Variants in FGF14 observed in about 807,000 individuals in gnomAD.
FGF14 encodes the protein fibroblast growth factor 14.
A neutral mutation model predicts 25.5 loss-of-function variants in FGF14; 5 were observed. The observed-to-expected ratio is 0.20, with a 90% CI of 0.10 to 0.41. FGF14 has a LOEUF of 0.41. Among genes scored for constraint, FGF14 ranks in the 10% least tolerant of loss-of-function variants. FGF14 has a pLI of 1.00. For synonymous variants in FGF14, 138 were observed against 118.3 expected (o/e 1.17, Z -1.08); for missense variants, 222 against 320.1 (o/e 0.69, Z 2.34).
intron 1 of FGF14, among the ~76,000 whole-genome samples, chr13:102,358,754 A>G (rs913627363): frequency 6.6e-6 from 1 of 152,192 alleles, no homozygotes; most frequent in Non-Finnish European, 1.5e-5. Context: ...TTCTTTTTCA[A>G]ATGTTTTAAA....
intron 1 of FGF14, among the ~76,000 whole-genome samples, chr13:101,953,880 G>A (rs200066966): frequency 1.3e-5 from 2 of 151,942 alleles, no homozygotes; most frequent in East Asian, 1.9e-4. Context: ...GTGAGTCACC[G>A]TGCCCGGCCA....
In FGF14 at chr13:101,751,030, G is replaced by C. The variant is rs547714726; in HGVS notation, c.409-24220C>G. ...AGTGGTTGCCAAGGTCTAGAGGAGA[G>C]GGGGAGGGTGGAGAGAGGGAGGGAT... On this transcript the variant is annotated intron_variant, in intron 3 of 4. Transcript: ENST00000376143. 2.0e-5 allele frequency among the ~76,000 whole-genome samples: 3 copies of C among 152,196 alleles called. No homozygotes were observed. In the South Asian group the frequency reaches 6.2e-4, roughly 32 times the overall value.
At chr13:101,982,528 T>A (rs1029291834) in intron 1 of FGF14, among the ~76,000 whole-genome samples, 2 of 152,320 alleles carry the variant, frequency 1.3e-5, no homozygotes, top group Admixed American at 1.3e-4. Flanking sequence ...AAAGGCAACA[T>A]CTTTTATGTG....
intron 1 of FGF14, among the ~76,000 whole-genome samples, chr13:102,008,814 C>T (rs960062385): frequency 2.3e-4 from 35 of 152,080 alleles, no homozygotes; most frequent in Admixed American, 7.2e-4. Flanking sequence ...AACAGTGAAA[C>T]TGATGTGTAA....
At chr13:101,853,830 G>A (rs933676431) in intron 3 of FGF14, among the ~76,000 whole-genome samples, 6 of 151,924 alleles carry the variant, frequency 3.9e-5, no homozygotes, top group Non-Finnish European at 2.9e-5. Context: ...AAAAATTACA[G>A]ACTGATACTC....
In FGF14 at chr13:102,089,066, T is replaced by C. The variant is rs1022826417; in HGVS notation, c.209-213770A>G. 3.9e-5 allele frequency among the ~76,000 whole-genome samples: 6 copies of C among 152,206 alleles called. No homozygotes were observed. The East Asian group carries it at 5.8e-4, about 15-fold the overall frequency. ...TCTAAAACCCAGTTTTCTGCCATCA[T>C]AGATACAGAATTCAGAATACAATCT... is the stretch of plus-strand genomic sequence containing the variant. On this transcript the variant is annotated intron_variant, in intron 1 of 4. Transcript: ENST00000376131.
intron 1 of FGF14, among the ~76,000 whole-genome samples, chr13:102,004,156 T>A (rs955359224): frequency 6.6e-6 from 1 of 152,172 alleles, no homozygotes; most frequent in East Asian, 1.9e-4. Context: ...TAGCATTTAC[T>A]CCATCAGGTT....
At chr13:101,820,240 T>C (rs903926711) in intron 3 of FGF14, among the ~76,000 whole-genome samples, 1 of 151,816 alleles carries the variant, frequency 6.6e-6, no homozygotes, top group Non-Finnish European at 1.5e-5. Flanking sequence ...TGAGATTGTA[T>C]AAAGAAAAAA....
Position 102,166,434 on chromosome 13 carries a change from G to A in FGF14, c.208+235037C>T, listed in dbSNP as rs1052755084. On this transcript the variant is annotated intron_variant, in intron 1 of 4. Transcript: ENST00000376131. ...TGCAGCATAGAGGAAAATGCCAGTC[G>A]TCTAGCAGATGCGTGCATTCCCAGC... Among the ~76,000 whole-genome samples the A allele has an allele frequency of 2.6e-5, 4 of 152,086 alleles. No individual in the cohort carries two copies. In the South Asian group the frequency reaches 6.2e-4, roughly 24 times the overall value.
chr13:101,999,863 T>C (rs1324882410), intron 1 of FGF14, among the ~76,000 whole-genome samples: 1 of 152,154 alleles, frequency 6.6e-6, no homozygotes, highest in Non-Finnish European at 1.5e-5. Context: ...TTCTTCTCTA[T>C]TTCTGCCACT....
At chr13:101,755,881 G>A (rs1233432801) in intron 3 of FGF14, among the ~76,000 whole-genome samples, 1 of 152,116 alleles carries the variant, frequency 6.6e-6, no homozygotes, top group Non-Finnish European at 1.5e-5. Context: ...TTTCAAGAAC[G>A]TCTTCTATAG....
rs2034600667 is a variant in FGF14, at chr13:101,714,041, T to G, written c.*8790A>C. On this transcript the variant is annotated 3_prime_UTR_variant, in exon 5 of 5. Transcript: ENST00000376143. ...GTTTTAATTAGAAATGCAACCTAAT[T>G]TAATACAATTCCCTATTCATTTCCT... 1 of 161,724 alleles carries G rather than the reference T, an allele frequency of 6.2e-6. No homozygotes were observed. The allele number at this position is 161,724 out of a possible 1,614,324, so 10.0% of individuals were successfully genotyped here.
chr13:102,342,597 A>G (rs758163175), intron 1 of FGF14, among the ~76,000 whole-genome samples: 1 of 152,168 alleles, frequency 6.6e-6, no homozygotes, highest in African/African-American at 2.4e-5. Flanking sequence ...ATGACTTTAT[A>G]TTATTTCAGT....
intron 1 of FGF14, among the ~76,000 whole-genome samples, chr13:102,106,096 A>G (rs2044896647): frequency 6.6e-6 from 1 of 152,222 alleles, no homozygotes; most frequent in Admixed American, 6.5e-5. Flanking sequence ...AAGATGGTTC[A>G]GCTAGAAAAA....
At position 101,718,534 on chromosome 13, in the gene FGF14, A is replaced by C. The variant is rs1566807803; in HGVS notation, c.*4297T>G. 1 of 150,776 alleles carries C rather than the reference A, an allele frequency of 6.6e-6. No individual in the cohort carries two copies. Among genetic ancestry groups the C allele is most frequent in the Non-Finnish European group, 1.5e-5 (1 of 67,870 alleles). The allele number at this position is 150,776 out of a possible 1,614,324, so 9.3% of individuals were successfully genotyped here. ...GGAAGGGATGCAGCAAGTTTAGAGA[A>C]GGTGTTGGCACTAACGCTGCTTGTT... On this transcript the variant is annotated 3_prime_UTR_variant, in exon 5 of 5. Transcript: ENST00000376143.
intron 1 of FGF14, among the ~76,000 whole-genome samples, chr13:102,364,627 T>C (rs1046165449): frequency 2.6e-5 from 4 of 152,228 alleles, no homozygotes; most frequent in African/African-American, 9.6e-5. Context: ...TTACGAAGTA[T>C]AAACAGATCT....
chr13:102,049,602 T>C (rs78828203), intron 1 of FGF14, among the ~76,000 whole-genome samples: 5,493 of 152,268 alleles, frequency 0.036, 316 homozygotes, highest in African/African-American at 0.12. Flanking sequence ...TAACCACCAG[T>C]ACCTTAGAAT....
chr13:102,110,125 A>G (rs1484874606), intron 1 of FGF14, among the ~76,000 whole-genome samples: 2 of 152,246 alleles, frequency 1.3e-5, no homozygotes, highest in Non-Finnish European at 2.9e-5. Flanking sequence ...TTGCTAAGAT[A>G]AAGATATTTC....
At chr13:102,292,104 C>T (rs914793336) in intron 1 of FGF14, among the ~76,000 whole-genome samples, 7 of 151,866 alleles carry the variant, frequency 4.6e-5, no homozygotes, top group Admixed American at 2.0e-4. Flanking sequence ...CCGGAGCCCC[C>T]GCCAATTTGT....
Sources: allele counts gnomAD v4.1 joint callset (sites outside exome capture counted in the v4.1 genomes callset), GRCh38; gene constraint gnomAD v4.1.1; transcripts MANE v1.5; gene names NCBI Gene and HGNC (gene_info 2026-07-23, HGNC 2026-07-21).